The following SRRM3 variants were observed in gnomAD, a reference collection of about 807,000 sequenced individuals.
The protein encoded by SRRM3 is serine/arginine repetitive matrix protein 3.
Under a neutral mutation model 66.2 loss-of-function variants are expected in SRRM3, and 27 were observed. That is an observed-to-expected ratio of 0.41 (90% confidence interval 0.30 to 0.56). The LOEUF (loss-of-function observed/expected upper bound fraction) is 0.56, where lower values mean the gene tolerates loss of function less well. SRRM3 is among the 20% of genes least tolerant of loss of function. The probability of loss-of-function intolerance (pLI) is 0.32; values close to 1 mark genes in which losing one functional copy is unlikely to be tolerated. For missense variants in SRRM3, 918 were observed against 991.9 expected (o/e 0.93, Z 1.00); for synonymous variants, 391 against 414.9 (o/e 0.94, Z 0.70).
At chr7:76,227,931 G>GA (rs1800919461) in intron 1 of SRRM3, among the ~76,000 whole-genome samples, 1 of 152,018 alleles carries the variant, frequency 6.6e-6, no homozygotes, top group Admixed American at 6.6e-5. Flanking sequence ...GTGCAGTGGC[G>GA]CAAACTCAGG....
At chr7:76,283,262 G>C (rs1802578927) in intron 14 of SRRM3, among the ~76,000 whole-genome samples, 161 bp downstream of exon 14, 1 of 151,990 alleles carries the variant, frequency 6.6e-6, no homozygotes, top group Non-Finnish European at 1.5e-5. Context: ...TGCCAGGGTA[G>C]GGGGCCAGGG....
intron 9 of SRRM3, 41 bp from the exon 10 acceptor site, chr7:76,265,323 G>C (rs782111871): frequency 6.7e-7 from 1 of 1,495,366 alleles, no homozygotes; most frequent in Non-Finnish European, 9.1e-7. Context: ...ATCACGGGGG[G>C]CAGAATTGAG....
chr7:76,241,693 A>G (rs1314283043), intron 2 of SRRM3, among the ~76,000 whole-genome samples: 1 of 151,706 alleles, frequency 6.6e-6, no homozygotes, highest in Admixed American at 6.6e-5. Flanking sequence ...TAGCAGACAC[A>G]AGGTTTTATC....
chr7:76,262,064 C>T (rs1240013560), intron 8 of SRRM3, among the ~76,000 whole-genome samples: 1 of 151,748 alleles, frequency 6.6e-6, no homozygotes, highest in Non-Finnish European at 1.5e-5. Context: ...AGCCATCCTC[C>T]ACCCAGGAGG....
At chr7:76,218,674 C>CTTTTTTTTTTTTTTTTT (rs11349335) in intron 1 of SRRM3, among the ~76,000 whole-genome samples, 2 of 76,276 alleles carry the variant, frequency 2.6e-5, no homozygotes, top group Non-Finnish European at 4.5e-5. Flanking sequence ...GCTTTCTTTT[C>CTTTTTTTTTTTTTTTTT]TTTTTTTTTT....
chr7:76,205,060 C>T (rs1001312842), intron 1 of SRRM3, among the ~76,000 whole-genome samples: 7 of 152,102 alleles, frequency 4.6e-5, no homozygotes, highest in Non-Finnish European at 8.8e-5. Flanking sequence ...CGCTCCCCTC[C>T]GCAACTCCTT....
At chr7:76,240,417 G>A (rs1041465093) in intron 2 of SRRM3, among the ~76,000 whole-genome samples, 3 of 151,910 alleles carry the variant, frequency 2.0e-5, no homozygotes, top group South Asian at 2.1e-4. Context: ...TCAGGAGATC[G>A]AGGCCATCCT....
At chr7:76,211,536 C>A (rs914849652) in intron 1 of SRRM3, among the ~76,000 whole-genome samples, 1 of 151,914 alleles carries the variant, frequency 6.6e-6, no homozygotes, top group African/African-American at 2.4e-5. Context: ...AGGAAGGTCA[C>A]CCTGAAGAGC....
chr7:76,282,904 C>A (rs1414354573), intron 13 of SRRM3, 32 bp downstream of exon 13: 2 of 1,310,392 alleles, frequency 1.5e-6, no homozygotes, highest in Admixed American at 4.2e-5. Context: ...GCCGACGGGG[C>A]GGGCGGCGGG....
chr7:76,265,780 TATATTTATATATTTA>T (rs1300613323), intron 10 of SRRM3, among the ~76,000 whole-genome samples: 1 of 127,376 alleles, frequency 7.9e-6, no homozygotes, highest in Non-Finnish European at 1.6e-5. Context: ...AATATTTATA[TATATTTATATATTTA>T]ATATTTATAT....
intron 1 of SRRM3, among the ~76,000 whole-genome samples, chr7:76,225,434 A>T (rs1800836012): frequency 7.6e-6 from 1 of 130,878 alleles, no homozygotes; most frequent in African/African-American, 2.5e-5. Flanking sequence ...AGGCCAGGAA[A>T]AAAAAGCCCC....
At chr7:76,236,005 C>CAAAAAAAAAAAAAAAAAG (rs1801140845) in intron 2 of SRRM3, among the ~76,000 whole-genome samples, 1 of 20,284 alleles carries the variant, frequency 4.9e-5, no homozygotes, top group Non-Finnish European at 9.6e-5. Flanking sequence ...GATTCTGTCT[C>CAAAAAAAAAAAAAAAAAG]AAAAAAAAAA....
rs782027347 is a variant in SRRM3, at chr7:76,229,876, TTAGATTGCAGG to T, written c.-39-5151_-39-5141del. Among the ~76,000 whole-genome samples, 200 of 152,090 alleles carry T rather than the reference TTAGATTGCAGG, an allele frequency of 1.3e-3. 10 individuals carry two copies. In the South Asian group the frequency reaches 0.037, roughly 28 times the overall value. Reference sequence around the variant, plus strand: ...CTTCTGCCTCAGCCTCCCGAATAGCTTAGATTGCAGGCATGCACCACCATGACTGGCTAATT... The same window carrying T: ...CTTCTGCCTCAGCCTCCCGAATAGCTCATGCACCACCATGACTGGCTAATT... On this transcript the variant is annotated intron_variant, in intron 1 of 14. Transcript: ENST00000611745.
At chr7:76,282,581 A>ACCCACCCCCCC in intron 12 of SRRM3, 67 bp from the exon 13 acceptor site, 1 of 579,420 alleles carries the variant, frequency 1.7e-6, no homozygotes, top group South Asian at 2.9e-5. Context: ...GCCCCAGGGA[A>ACCCACCCCCCC]CCCTCCCCGC....
intron 2 of SRRM3, among the ~76,000 whole-genome samples, chr7:76,239,975 C>T (rs2117008800): frequency 6.7e-6 from 1 of 149,980 alleles, no homozygotes; most frequent in East Asian, 2.0e-4. Context: ...ACCAGCCTGG[C>T]CAACATGATG....
At chr7:76,281,997 A>T (rs1388597172) in intron 12 of SRRM3, among the ~76,000 whole-genome samples, 195 bp downstream of exon 12, 1 of 72,484 alleles carries the variant, frequency 1.4e-5, no homozygotes, top group Non-Finnish European at 2.6e-5. Flanking sequence ...ACCCCTCCTC[A>T]CTGAACTACC....
intron 8 of SRRM3, among the ~76,000 whole-genome samples, chr7:76,263,087 C>T (rs964690182): frequency 3.9e-5 from 6 of 152,150 alleles, no homozygotes; most frequent in African/African-American, 1.2e-4. Context: ...CCCTGGCCTC[C>T]CAGTGTCTAT....
chr7:76,282,027 C>T (rs1214087175), intron 12 of SRRM3, among the ~76,000 whole-genome samples: 3 of 137,312 alleles, frequency 2.2e-5, no homozygotes, highest in African/African-American at 8.2e-5. Context: ...TCTCAACCCC[C>T]CACGGAGCTC....
At chr7:76,280,309 A>G (rs1400835453) in intron 11 of SRRM3, among the ~76,000 whole-genome samples, 8 of 151,610 alleles carry the variant, frequency 5.3e-5, no homozygotes, top group Non-Finnish European at 7.4e-5. Flanking sequence ...TTGTTTTTTT[A>G]TTTCTGTTTT....
Sources: gnomAD v4.1 joint callset for allele counts (sites outside exome capture counted in the v4.1 genomes callset) on GRCh38, gnomAD v4.1.1 for gene constraint, MANE v1.5 for transcripts, NCBI Gene and HGNC (gene_info 2026-07-23, HGNC 2026-07-21) for gene names.